The following ROBO1 variants were observed in gnomAD, a reference collection of about 807,000 sequenced individuals.
The protein encoded by ROBO1 is roundabout homolog 1.
ROBO1 carries 149 observed loss-of-function variants against 195.9 expected under a neutral mutation model. The ratio of observed to expected loss-of-function variants is 0.76; its 90% CI spans 0.67 to 0.87. ROBO1 has a LOEUF of 0.87. Among genes scored for constraint, ROBO1 ranks in the 40% least tolerant of loss-of-function variants. ROBO1 has a pLI of 0.00. For missense variants in ROBO1, 1,933 were observed against 2,068.3 expected, an observed-to-expected ratio of 0.93 and a Z score of 1.27; for synonymous variants, 816 against 733.2, an observed-to-expected ratio of 1.11 and a Z score of -1.82.
intron 2 of ROBO1, among the ~76,000 whole-genome samples, chr3:79,129,393 T>C (rs1385223610): frequency 6.6e-6 from 1 of 152,078 alleles, no homozygotes; most frequent in African/African-American, 2.4e-5. Context: ...TATGTGTGTG[T>C]GTATATATGT....
Position 78,910,301 on chromosome 3 carries a change from G to A in ROBO1, c.499+28300C>T, listed in dbSNP as rs74749909. 9.0e-3 allele frequency among the ~76,000 whole-genome samples: 1,369 copies of A among 151,902 alleles called. 18 individuals are homozygous for A. The highest frequency in any genetic ancestry group is 0.031 in the African/African-American group (1,296 of 41,482). On this transcript the variant is annotated intron_variant, in intron 4 of 30. Transcript: ENST00000464233. ...ATTCATCTTTTATATACATAACAGA[G>A]GCAAACGTCCAGAAAGTTTTGTGTT... is the stretch of plus-strand genomic sequence containing the variant.
At chr3:79,512,945 G>A (rs2107547678) in intron 2 of ROBO1, 1 of 152,282 alleles carries the variant, frequency 6.6e-6, no homozygotes, top group Middle Eastern at 3.4e-3. Flanking sequence ...TAAAGGGACT[G>A]AAAGCTGCTG....
intron 2 of ROBO1, among the ~76,000 whole-genome samples, chr3:79,334,159 G>A (rs1424670404): frequency 2.6e-5 from 4 of 151,654 alleles, no homozygotes; most frequent in African/African-American, 9.7e-5. Context: ...TAAAAAATTA[G>A]CCGGGCGTGG....
At chr3:79,599,614 G>A (rs1461364790) in intron 1 of ROBO1, among the ~76,000 whole-genome samples, 1 of 151,872 alleles carries the variant, frequency 6.6e-6, no homozygotes, top group Non-Finnish European at 1.5e-5. Flanking sequence ...GGGGTAGGGG[G>A]CGGGAGAAAA....
In ROBO1 at chr3:78,946,586, C is replaced by G. The variant is rs1440310320; in HGVS notation, c.173-7659G>C. Among the ~76,000 whole-genome samples the G allele has an allele frequency of 3.9e-5, 6 of 152,286 alleles. No homozygotes were observed. In the East Asian group the frequency reaches 5.8e-4, roughly 15 times the overall value. On this transcript the variant is annotated intron_variant, in intron 3 of 30. Transcript: ENST00000464233. ...CAAAAACATGCCAAATTGTAAAGAC[C>G]ATCAAGGCTAGGAAGAAACTGCATC...
intron 4 of ROBO1, among the ~76,000 whole-genome samples, chr3:78,855,306 T>C (rs1240521390): frequency 6.6e-6 from 1 of 152,122 alleles, no homozygotes; most frequent in Non-Finnish European, 1.5e-5. Context: ...GCATTCTGGT[T>C]CACATACTAA....
chr3:78,620,652 T>C (rs148056347), intron 26 of ROBO1, among the ~76,000 whole-genome samples: 2,013 of 152,322 alleles, frequency 0.013, 51 homozygotes, highest in African/African-American at 0.042. Flanking sequence ...GAGCACTTAC[T>C]TTGTAGCTAA....
At chr3:78,722,444 T>A (rs1465946785) in intron 5 of ROBO1, among the ~76,000 whole-genome samples, 5 of 152,260 alleles carry the variant, frequency 3.3e-5, no homozygotes, top group Admixed American at 1.3e-4. Context: ...TACACAGTGT[T>A]CATACATGTA....
At chr3:78,970,013 G>A (rs548122835) in intron 3 of ROBO1, among the ~76,000 whole-genome samples, 103 of 152,240 alleles carry the variant, frequency 6.8e-4, no homozygotes, top group African/African-American at 2.2e-3. Flanking sequence ...ATAGGGGAAA[G>A]AGAATGACCT....
chr3:78,789,109 T>C (rs1041180944), intron 4 of ROBO1, among the ~76,000 whole-genome samples: 1 of 152,184 alleles, frequency 6.6e-6, no homozygotes, highest in East Asian at 1.9e-4. Context: ...TAAAATCTAT[T>C]TCTCATAAGT....
chr3:79,265,967 A>G (rs1479642054), intron 2 of ROBO1, among the ~76,000 whole-genome samples: 1 of 151,674 alleles, frequency 6.6e-6, no homozygotes, highest in Non-Finnish European at 1.5e-5. Flanking sequence ...AGTATCAAAA[A>G]AAATCAATTT....
At chr3:79,451,482 G>A (rs1220614483) in intron 2 of ROBO1, among the ~76,000 whole-genome samples, 3 of 152,104 alleles carry the variant, frequency 2.0e-5, no homozygotes, top group Non-Finnish European at 4.4e-5. Context: ...TAGGAGTGTA[G>A]ACTGGTAAAG....
intron 1 of ROBO1, among the ~76,000 whole-genome samples, chr3:79,671,624 A>C (rs915121168): frequency 1.7e-4 from 26 of 152,044 alleles, no homozygotes; most frequent in African/African-American, 6.0e-4. Flanking sequence ...ATAAAAATGA[A>C]GTTGAACTTA....
chr3:79,028,872 A>C (rs1190071703), intron 3 of ROBO1, among the ~76,000 whole-genome samples: 1 of 152,064 alleles, frequency 6.6e-6, no homozygotes, highest in Non-Finnish European at 1.5e-5. Flanking sequence ...ATATGCCTGA[A>C]TTTCACAGGT....
intron 1 of ROBO1, among the ~76,000 whole-genome samples, chr3:79,671,301 A>G (rs960991913): frequency 2.0e-5 from 3 of 151,904 alleles, no homozygotes; most frequent in African/African-American, 7.2e-5. Context: ...TCTTTTAAAT[A>G]GAAATCTTCT....
At chr3:79,284,081 T>C (rs995792261) in intron 2 of ROBO1, among the ~76,000 whole-genome samples, 1 of 152,040 alleles carries the variant, frequency 6.6e-6, no homozygotes, top group Non-Finnish European at 1.5e-5. Context: ...CCTATATGTA[T>C]ATATATGCAT....
intron 3 of ROBO1, among the ~76,000 whole-genome samples, chr3:78,942,834 G>C (rs2040210920): frequency 6.6e-6 from 1 of 152,178 alleles, no homozygotes; most frequent in Admixed American, 6.5e-5. Flanking sequence ...TTGAGCCCAT[G>C]AGGCTGCAGT....
chr3:79,250,488 T>C (rs1252388418), intron 2 of ROBO1, among the ~76,000 whole-genome samples: 1 of 152,146 alleles, frequency 6.6e-6, no homozygotes, highest in Non-Finnish European at 1.5e-5. Context: ...TTCTTAGAAG[T>C]TGCCAAAAGC....
At chr3:78,685,257 C>T (rs2081026113) in intron 10 of ROBO1, among the ~76,000 whole-genome samples, 1 of 152,100 alleles carries the variant, frequency 6.6e-6, no homozygotes, top group Non-Finnish European at 1.5e-5. Context: ...TTGTTCAGCA[C>T]TGTGTCCTTA....
Sources: allele counts gnomAD v4.1 joint callset (sites outside exome capture counted in the v4.1 genomes callset), GRCh38; gene constraint gnomAD v4.1.1; transcripts MANE v1.5; gene names NCBI Gene and HGNC (gene_info 2026-07-23, HGNC 2026-07-21).